XKR9: variants seen among roughly 807,000 people sequenced by gnomAD.
XKR9 encodes XK-related protein 9.
In XKR9, 32 loss-of-function variants were observed where a neutral mutation model predicts 32.0. The ratio of observed to expected loss-of-function variants is 1.00; its 90% CI spans 0.76 to 1.34. The LOEUF (loss-of-function observed/expected upper bound fraction) is 1.34. Ranked by LOEUF, XKR9 falls within the 40% of genes most tolerant of loss-of-function variation. The pLI, the probability that XKR9 is intolerant of heterozygous loss-of-function variation, is 0.00. For synonymous variants in XKR9, 168 were observed against 143.4 expected (o/e 1.17, Z -1.22); for missense variants, 546 against 429.7 (o/e 1.27, Z -2.39).
rs576059321 is a variant in XKR9 at position 70,672,055 on chromosome 8, C to A, written c.-361+2517C>A. On this transcript the variant is annotated intron_variant, in intron 1 of 4. Transcript: ENST00000408926. ...TCAAGGAGAACTACAAACCACTGCTCAAGGAAATAAAAGAGGAGACAAACA... is the reference window on the plus strand; with the variant it reads ...TCAAGGAGAACTACAAACCACTGCTAAAGGAAATAAAAGAGGAGACAAACA... Among the ~76,000 whole-genome samples, 70 of 54,074 alleles carry A rather than the reference C, an allele frequency of 1.3e-3. 3 individuals are homozygous for A. The highest frequency in any genetic ancestry group is 3.7e-3 in the African/African-American group (69 of 18,688). 35.5% of individuals were successfully genotyped at this position (54,074 alleles called of 152,430 possible).
intron 4 of XKR9, among the ~76,000 whole-genome samples, chr8:70,713,520 T>G (rs763345547): frequency 6.6e-6 from 1 of 152,100 alleles, no homozygotes; most frequent in Non-Finnish European, 1.5e-5. Flanking sequence ...GAGAGTGTAC[T>G]TCAGACAAAA....
the XKR9 span, among the ~76,000 whole-genome samples, chr8:71,020,209 G>A: frequency 2.0e-5 from 3 of 152,264 alleles, no homozygotes; most frequent in Admixed American, 6.5e-5. Context: ...CAAAATCTAC[G>A]AGGTGCTGCC....
At chr8:70,740,294 C>T (rs1310573348), downstream of XKR9, among the ~76,000 whole-genome samples, 1 of 152,128 alleles carries the variant, frequency 6.6e-6, no homozygotes, top group Non-Finnish European at 1.5e-5. Context: ...TCACGTAGTT[C>T]TCGAGCCTTG....
rs1015601622 is a variant in XKR9 at position 70,734,530 on chromosome 8, T to C, written c.*106T>C. On this transcript the variant is annotated 3_prime_UTR_variant, in exon 5 of 5. Coordinates refer to ENST00000408926, the MANE Select transcript of XKR9 (RefSeq NM_001011720.2). Reference sequence around the variant, plus strand: ...TCTCTTATTTTTGCCACCTTTAATTTGAAATTAGTTCAGTGAAATAGGAGA... The same window carrying C: ...TCTCTTATTTTTGCCACCTTTAATTCGAAATTAGTTCAGTGAAATAGGAGA... 39 of 1,355,090 alleles carry C rather than the reference T, an allele frequency of 2.9e-5. No individual in the cohort carries two copies. Among genetic ancestry groups the C allele is most frequent in the Admixed American group, 3.5e-5 (1 of 28,940 alleles). 83.9% of individuals were successfully genotyped at this position (1,355,090 alleles called of 1,614,324 possible).
chr8:70,907,173 T>A, the XKR9 span, among the ~76,000 whole-genome samples: 1 of 152,170 alleles, frequency 6.6e-6, no homozygotes, highest in Non-Finnish European at 1.5e-5. Flanking sequence ...AAAATTTATG[T>A]TTTGCCTGCT....
chr8:70,961,231 G>A, the XKR9 span, among the ~76,000 whole-genome samples: 1 of 152,130 alleles, frequency 6.6e-6, no homozygotes, highest in Non-Finnish European at 1.5e-5. Flanking sequence ...AAGTCAGAAA[G>A]GAAGTAGAAG....
chr8:71,032,534 A>C, the XKR9 span, among the ~76,000 whole-genome samples: 1 of 152,184 alleles, frequency 6.6e-6, no homozygotes, highest in Non-Finnish European at 1.5e-5. Flanking sequence ...GAGCTCAGAC[A>C]TAATACACCA....
the XKR9 span, among the ~76,000 whole-genome samples, chr8:70,925,714 G>C: frequency 3.9e-5 from 6 of 152,140 alleles, no homozygotes; most frequent in Admixed American, 3.9e-4. Context: ...GCAAGAACAC[G>C]TGGTAAGCTA....
At chr8:70,784,972 C>T (rs1424810022) in intron 2 of XKR9, among the ~76,000 whole-genome samples, 2 of 151,468 alleles carry the variant, frequency 1.3e-5, no homozygotes, top group Admixed American at 6.6e-5. Flanking sequence ...TATGATTTTT[C>T]TTCTTCATTC....
intron 2 of XKR9, among the ~76,000 whole-genome samples, chr8:70,783,987 C>T (rs1190750423): frequency 6.6e-6 from 1 of 152,114 alleles, no homozygotes; most frequent in Admixed American, 6.6e-5. Flanking sequence ...GTCCTTAGCA[C>T]CTTCGTGGGA....
chr8:70,740,946 C>A (rs1302647835), intron 2 of XKR9, among the ~76,000 whole-genome samples: 1 of 152,220 alleles, frequency 6.6e-6, no homozygotes, highest in African/African-American at 2.4e-5. Flanking sequence ...GGCAGTCTGC[C>A]CGTTCTGAGA....
At chr8:70,738,320 C>CT (rs1288407526), downstream of XKR9, among the ~76,000 whole-genome samples, 2 of 143,564 alleles carry the variant, frequency 1.4e-5, no homozygotes, top group Non-Finnish European at 3.1e-5. Context: ...GTGATGTCCC[C>CT]TTTATCATTT....
At chr8:70,819,020 G>C in the XKR9 span, among the ~76,000 whole-genome samples, 1 of 152,208 alleles carries the variant, frequency 6.6e-6, no homozygotes, top group Non-Finnish European at 1.5e-5. Flanking sequence ...GCAAGGTGCA[G>C]TCAAAGCTGG....
At chr8:70,718,669 G>A (rs566235626) in intron 4 of XKR9, among the ~76,000 whole-genome samples, 2 of 152,224 alleles carry the variant, frequency 1.3e-5, no homozygotes, top group South Asian at 4.1e-4. Flanking sequence ...TTTTATGGCT[G>A]CATAGTATTC....
At chr8:70,950,586 G>A in the XKR9 span, among the ~76,000 whole-genome samples, 4 of 152,172 alleles carry the variant, frequency 2.6e-5, no homozygotes, top group Non-Finnish European at 5.9e-5. Flanking sequence ...CTTGAGTTTC[G>A]TCTTTGTCTT....
chr8:70,697,861 C>A (rs1352403680), intron 3 of XKR9, among the ~76,000 whole-genome samples: 1,545 of 151,540 alleles, frequency 0.01, 17 homozygotes, highest in African/African-American at 0.035. Context: ...ACAATTTCAG[C>A]TCCTGTTATT....
the XKR9 span, among the ~76,000 whole-genome samples, chr8:70,971,205 C>T: frequency 8.6e-5 from 13 of 151,932 alleles, no homozygotes; most frequent in African/African-American, 2.9e-4. Context: ...TTTTCATTTT[C>T]CTGATAATTA....
At chr8:70,703,120 G>A (rs1286101296) in intron 3 of XKR9, among the ~76,000 whole-genome samples, 1 of 151,430 alleles carries the variant, frequency 6.6e-6, no homozygotes, top group Non-Finnish European at 1.5e-5. Flanking sequence ...TATGTTACTG[G>A]TTTTGATCAA....
At chr8:70,851,691 C>T in the XKR9 span, among the ~76,000 whole-genome samples, 1 of 152,118 alleles carries the variant, frequency 6.6e-6, no homozygotes, top group African/African-American at 2.4e-5. Context: ...GAAAGGATTC[C>T]CTATTTAATG....
Sources: gnomAD v4.1 joint callset for allele counts (sites outside exome capture counted in the v4.1 genomes callset) on GRCh38, gnomAD v4.1.1 for gene constraint, MANE v1.5 for transcripts, NCBI Gene and HGNC (gene_info 2026-07-23, HGNC 2026-07-21) for gene names.